BPTF: variants seen among roughly 807,000 people sequenced by gnomAD.
The protein encoded by BPTF is bromodomain PHD finger transcription factor, also known as nucleosome-remodeling factor subunit BPTF.
In BPTF, 18 loss-of-function variants were observed where a neutral mutation model predicts 292.5. That is an observed-to-expected ratio of 0.06 (90% CI 0.04 to 0.09). BPTF has a LOEUF of 0.09. BPTF is among the 10% of genes least tolerant of loss of function. BPTF has a pLI of 1.00. For synonymous variants in BPTF, 1,225 were observed against 1,251.9 expected, an observed-to-expected ratio of 0.98 and a Z score of 0.45; for missense variants, 2,726 against 3,498.7, an observed-to-expected ratio of 0.78 and a Z score of 5.57.
Position 67,940,554 on chromosome 17 carries a change from G to A in BPTF, c.6375G>A (p.Thr2125=), listed in dbSNP as rs943244464. 23 of 1,613,906 alleles carry A rather than the reference G, an allele frequency of 1.4e-5. No individual in the cohort carries two copies. The Admixed American group carries it at 2.2e-4, about 15-fold the overall frequency. The part of the protein sequence containing the change: ...TPGQKSLTSA[T]STSNIQSSAS... ...GGCAGAAAAGCTTAACTTCAGCAAC[G>A]TCCACTTCAAATATACAGTCTTCAG... Residue 2125 remains threonine (T), a synonymous_variant, in exon 19 of 28, where the codon ACG becomes ACA. Transcript: ENST00000306378.
Position 67,853,972 on chromosome 17 carries a change from TCTC to T in BPTF, c.649_651del (p.Pro217del), listed in dbSNP as rs762989222. On this transcript the variant is annotated inframe_deletion, in exon 2 of 28. Transcript: ENST00000306378. ...AAAACCAAGAGTACATCGGCCTCGTTCTCCTATATTGGAAGAAAAAGACATCCC... is the reference window on the plus strand; with the variant it reads ...AAAACCAAGAGTACATCGGCCTCGTTCTATATTGGAAGAAAAAGACATCCC... 9 of 1,613,228 alleles carry T rather than the reference TCTC, an allele frequency of 5.6e-6. No individual in the cohort carries two copies. In the Admixed American group the frequency reaches 8.3e-5, roughly 15 times the overall value.
intron 23 of BPTF, among the ~76,000 whole-genome samples, chr17:67,954,742 G>A (rs1376172735): frequency 1.3e-5 from 2 of 152,124 alleles, no homozygotes; most frequent in Non-Finnish European, 1.5e-5. Flanking sequence ...CAAAGTGTGT[G>A]CCCACTATAC....
At chr17:67,962,191 A>C (rs1313223019) in intron 24 of BPTF, among the ~76,000 whole-genome samples, 2 of 152,164 alleles carry the variant, frequency 1.3e-5, no homozygotes, top group Non-Finnish European at 2.9e-5. Flanking sequence ...ACCATATATT[A>C]TTCCTTCACA....
In BPTF at chr17:67,903,784, C is replaced by G. The variant is rs770114725; in HGVS notation, c.2544-5C>G. The G allele has an allele frequency of 2.6e-6, 4 of 1,525,638 alleles. No homozygotes were observed. Among genetic ancestry groups the G allele is most frequent in the Non-Finnish European group, 3.5e-6 (4 of 1,143,368 alleles). 94.5% of individuals were successfully genotyped at this position (1,525,638 alleles called of 1,614,324 possible). ...AACATTGTCTTTCTATGCATGAATT[C>G]TTAGGTTACACCGGATGACATCAAT... is the stretch of plus-strand genomic sequence containing the variant. On this transcript the variant is annotated splice_region_variant and splice_polypyrimidine_tract_variant and intron_variant, in intron 7 of 27. Coordinates refer to ENST00000306378, the MANE Select transcript of BPTF (RefSeq NM_182641.4).
chr17:67,841,802 T>A (rs2057575759), intron 1 of BPTF, among the ~76,000 whole-genome samples: 1 of 152,202 alleles, frequency 6.6e-6, no homozygotes, highest in South Asian at 2.1e-4. Flanking sequence ...ACATTTAATA[T>A]GATTGATAAT....
At chr17:67,947,638 T>C (rs2065910191) in intron 21 of BPTF, 88 bp from the exon 22 acceptor site, 1 of 979,776 alleles carries the variant, frequency 1.0e-6, no homozygotes, top group East Asian at 2.7e-5. Flanking sequence ...AAAAAACACA[T>C]ATGTGCTCAA....
intron 1 of BPTF, among the ~76,000 whole-genome samples, chr17:67,838,163 A>G (rs770461769): frequency 6.6e-6 from 1 of 152,242 alleles, no homozygotes; most frequent in Non-Finnish European, 1.5e-5. Flanking sequence ...AAGCAGCCAT[A>G]GACAATAAGT....
chr17:67,856,696 G>A (rs1479020507), intron 2 of BPTF, among the ~76,000 whole-genome samples: 1 of 152,192 alleles, frequency 6.6e-6, no homozygotes, highest in Non-Finnish European at 1.5e-5. Context: ...GCCTTTTCCT[G>A]TGTCCTGCTT....
chr17:67,871,791 T>C (rs2059754131), intron 3 of BPTF, among the ~76,000 whole-genome samples: 1 of 152,120 alleles, frequency 6.6e-6, no homozygotes, highest in East Asian at 1.9e-4. Flanking sequence ...TGCTGAACAT[T>C]TTGGGTCTCT....
At chr17:67,881,162 T>C (rs975124752) in intron 4 of BPTF, among the ~76,000 whole-genome samples, 6 of 148,574 alleles carry the variant, frequency 4.0e-5, no homozygotes, top group Non-Finnish European at 7.4e-5. Flanking sequence ...ACCCATTATA[T>C]TGAGTATTAT....
chr17:67,850,748 A>G (rs1402254180), intron 1 of BPTF, among the ~76,000 whole-genome samples: 4 of 152,156 alleles, frequency 2.6e-5, no homozygotes, highest in African/African-American at 9.7e-5. Context: ...AATTCTATCC[A>G]ATGAATAAGC....
In BPTF at chr17:67,904,632, A is replaced by T. The variant is rs1287935242; in HGVS notation, c.2674-70A>T. 5 of 1,173,968 alleles carry T rather than the reference A, an allele frequency of 4.3e-6. No individual in the cohort carries two copies. The Admixed American group carries it at 1.3e-4, about 30-fold the overall frequency. The allele number at this position is 1,173,968 out of a possible 1,614,324, so 72.7% of individuals were successfully genotyped here. A position where few individuals can be genotyped will look rare whatever the true frequency, so the allele number is the denominator to read the frequency against. On this transcript the variant is annotated intron_variant, in intron 8 of 27. Coordinates refer to ENST00000306378, the MANE Select transcript of BPTF (RefSeq NM_182641.4). ...TTTGAAACTTGTTTGGTAAAAATGC[A>T]TAAAACCACATGTGGTTTATAAGCA... is the stretch of plus-strand genomic sequence containing the variant.
chr17:67,949,914 A>G (rs1181581072), intron 23 of BPTF, among the ~76,000 whole-genome samples: 2 of 151,478 alleles, frequency 1.3e-5, no homozygotes, highest in Admixed American at 6.6e-5. Flanking sequence ...TTAGCCGGAC[A>G]TGGTGGCAGG....
chr17:67,876,433 T>A (rs1347008106), intron 4 of BPTF, among the ~76,000 whole-genome samples: 1 of 152,204 alleles, frequency 6.6e-6, no homozygotes, highest in Non-Finnish European at 1.5e-5. Flanking sequence ...GATAGGGATG[T>A]AAGTGTAAGC....
intron 20 of BPTF, among the ~76,000 whole-genome samples, chr17:67,945,027 AACTTTATTT>A (rs1186342487): frequency 6.6e-6 from 1 of 151,938 alleles, no homozygotes; most frequent in Non-Finnish European, 1.5e-5. Flanking sequence ...CAAAATTCTC[AACTTTATTT>A]ACTTTATTTA....
chr17:67,950,364 C>G (rs115710386), intron 23 of BPTF, among the ~76,000 whole-genome samples: 6 of 151,882 alleles, frequency 4.0e-5, no homozygotes, highest in African/African-American at 1.5e-4. Context: ...CAGTTAAAGT[C>G]AGAAACCAGA....
At chr17:67,888,589 C>CAAAAAA (rs776548348) in intron 4 of BPTF, among the ~76,000 whole-genome samples, 3 of 63,538 alleles carry the variant, frequency 4.7e-5, no homozygotes, top group East Asian at 4.3e-4. Context: ...GACTCCGTCT[C>CAAAAAA]AAAAAAAAAA....
intron 1 of BPTF, among the ~76,000 whole-genome samples, chr17:67,853,017 TCC>T (rs1327987524): frequency 6.6e-6 from 1 of 152,086 alleles, no homozygotes; most frequent in Admixed American, 6.5e-5. Flanking sequence ...CTGCCTGTAG[TCC>T]CAGCTACTCA....
chr17:67,944,443 G>A, intron 20 of BPTF, 71 bp downstream of exon 20: 1 of 1,517,006 alleles, frequency 6.6e-7, no homozygotes, highest in Non-Finnish European at 9.0e-7. Context: ...GAGGCCAACA[G>A]GAGAACCAGT....
Sources: allele counts gnomAD v4.1 joint callset (sites outside exome capture counted in the v4.1 genomes callset), GRCh38; gene constraint gnomAD v4.1.1; transcripts MANE v1.5; gene names NCBI Gene and HGNC (gene_info 2026-07-23, HGNC 2026-07-21).